NDUFAF6: variants seen among roughly 807,000 people sequenced by gnomAD.
NDUFAF6 encodes NADH:ubiquinone oxidoreductase complex assembly factor 6, also known as NADH dehydrogenase (ubiquinone) complex I, assembly factor 6.
A neutral mutation model predicts 40.8 loss-of-function variants in NDUFAF6; 45 were observed. The observed-to-expected ratio is 1.10, with a 90% CI of 0.87 to 1.42. The LOEUF (loss-of-function observed/expected upper bound fraction) is 1.42. NDUFAF6 is among the 40% of genes most tolerant of loss of function. NDUFAF6 has a pLI of 0.00. For synonymous variants in NDUFAF6, 185 were observed against 155.9 expected (o/e 1.19, Z -1.39); for missense variants, 435 against 418.5 (o/e 1.04, Z -0.34).
intron 2 of NDUFAF6, among the ~76,000 whole-genome samples, chr8:94,993,996 A>G (rs1274850295): frequency 6.6e-6 from 1 of 152,124 alleles, no homozygotes; most frequent in African/African-American, 2.4e-5. Context: ...GTTTAAGTTG[A>G]GATGTTTATG....
chr8:94,930,743 AGT>A (rs138854584), intron 1 of NDUFAF6: 16,747 of 1,612,702 alleles, frequency 0.01, 125 homozygotes, highest in Middle Eastern at 0.033. Flanking sequence ...AACAGAAAAA[AGT>A]GGGGATGTAT....
Position 94,904,320 on chromosome 8 carries a change from C to CTTTTTTTTTTTTTTTT in NDUFAF6, c.-936+8415_-936+8430dup, listed in dbSNP as rs57749627. Among the ~76,000 whole-genome samples, 12 of 34,136 alleles carry CTTTTTTTTTTTTTTTT rather than the reference C, an allele frequency of 3.5e-4. 4 individuals are homozygous for CTTTTTTTTTTTTTTTT. Among genetic ancestry groups the CTTTTTTTTTTTTTTTT allele is most frequent in the African/African-American group, 6.1e-4 (4 of 6,578 alleles). 22.4% of individuals were successfully genotyped at this position (34,136 alleles called of 152,430 possible). On this transcript the variant is annotated intron_variant, in intron 1 of 14. Transcript: ENST00000396113. ...CATCACACCTGGCTAATTTTTTTTG[C>CTTTTTTTTTTTTTTTT]TTTTTTTTTTTTTTTTTTTTTTTTT...
At chr8:94,903,562 G>T (rs1818167836) in intron 1 of NDUFAF6, among the ~76,000 whole-genome samples, 1 of 152,176 alleles carries the variant, frequency 6.6e-6, no homozygotes, top group South Asian at 2.1e-4. Context: ...TACTTACGCA[G>T]TAATAGCATA....
intron 7 of NDUFAF6, among the ~76,000 whole-genome samples, chr8:95,050,421 G>T (rs531419717): frequency 1.3e-5 from 2 of 152,158 alleles, no homozygotes; most frequent in African/African-American, 2.4e-5. Flanking sequence ...GTGGATGAGA[G>T]TGCAAACTCT....
intron 1 of NDUFAF6, among the ~76,000 whole-genome samples, chr8:94,940,420 AAATTT>A (rs1296092583): frequency 1.3e-5 from 2 of 149,722 alleles, no homozygotes; most frequent in African/African-American, 2.5e-5. Flanking sequence ...ATATGACTAT[AAATTT>A]ATTTCTGAGC....
chr8:94,930,028 T>A (rs1820237797), intron 1 of NDUFAF6: 1 of 155,072 alleles, frequency 6.4e-6, no homozygotes, highest in Admixed American at 6.4e-5. Flanking sequence ...AAAAATGTAT[T>A]CATCATATAC....
At chr8:94,943,761 T>C (rs138500077) in intron 1 of NDUFAF6, among the ~76,000 whole-genome samples, 19 of 152,350 alleles carry the variant, frequency 1.2e-4, no homozygotes, top group Admixed American at 5.2e-4. Context: ...TTAGAACACT[T>C]TGTGGTCACA....
At chr8:95,075,592 T>C in intron 9 of NDUFAF6, 1 of 1,284,380 alleles carries the variant, frequency 7.8e-7, no homozygotes, top group Non-Finnish European at 1.0e-6. Flanking sequence ...TAGAATTTTC[T>C]AGTTGGCTTG....
At chr8:94,931,125 G>T (rs949604147) in intron 1 of NDUFAF6, among the ~76,000 whole-genome samples, 11 of 152,058 alleles carry the variant, frequency 7.2e-5, no homozygotes, top group African/African-American at 2.7e-4. Flanking sequence ...AATCTTAAAA[G>T]GAAAATATTT....
At chr8:95,018,494 G>A (rs1827560075) in intron 2 of NDUFAF6, among the ~76,000 whole-genome samples, 1 of 151,686 alleles carries the variant, frequency 6.6e-6, no homozygotes, top group Non-Finnish European at 1.5e-5. Context: ...AGACTATAAA[G>A]CCAGGGGATA....
At chr8:94,926,998 T>C (rs1368488579) in intron 1 of NDUFAF6, 1 of 152,234 alleles carries the variant, frequency 6.6e-6, no homozygotes, top group Non-Finnish European at 1.5e-5. Context: ...TAACCAGTAT[T>C]TATGGGCCTT....
chr8:94,984,589 A>G (rs932590376), intron 2 of NDUFAF6, among the ~76,000 whole-genome samples: 29 of 152,234 alleles, frequency 1.9e-4, no homozygotes, highest in African/African-American at 7.0e-4. Context: ...TGTGGAGTCC[A>G]CAGGGTGTTC....
At chr8:95,044,928 T>G (rs1284610411) in intron 4 of NDUFAF6, among the ~76,000 whole-genome samples, 1 of 152,186 alleles carries the variant, frequency 6.6e-6, no homozygotes, top group African/African-American at 2.4e-5. Context: ...GCATATAGTG[T>G]ATCTAGGGAA....
intron 1 of NDUFAF6, among the ~76,000 whole-genome samples, chr8:95,025,411 C>T (rs1827983040): frequency 1.3e-5 from 2 of 152,308 alleles, no homozygotes; most frequent in South Asian, 4.1e-4. Flanking sequence ...AAAATTATGG[C>T]AAAATTCCTT....
At chr8:95,075,868 A>G (rs1432056602) in exon 10 of NDUFAF6, 1 of 419,382 alleles carries the variant, frequency 2.4e-6, no homozygotes, top group African/African-American at 2.1e-5. Context: ...AATCTTTGAC[A>G]AACACAGGTC....
At chr8:95,095,867 G>A (rs1250223558), upstream of NDUFAF6, among the ~76,000 whole-genome samples, 1 of 152,042 alleles carries the variant, frequency 6.6e-6, no homozygotes, top group Non-Finnish European at 1.5e-5. Flanking sequence ...GTTTTGCAAT[G>A]TTGGCCAGGC....
At chr8:94,967,588 A>G (rs11783262) in intron 1 of NDUFAF6, among the ~76,000 whole-genome samples, 19,876 of 151,972 alleles carry the variant, frequency 0.13, 1,629 homozygotes, top group Middle Eastern at 0.23. Flanking sequence ...CAGGAAACTG[A>G]GCAGGGCTTA....
chr8:95,030,025 C>T (rs551212797), intron 1 of NDUFAF6, among the ~76,000 whole-genome samples: 1 of 152,068 alleles, frequency 6.6e-6, no homozygotes, highest in Non-Finnish European at 1.5e-5. Flanking sequence ...CATTTTCAGG[C>T]ATTTATTGAT....
chr8:95,035,935 G>A (rs1019137555), intron 3 of NDUFAF6, among the ~76,000 whole-genome samples: 1 of 152,212 alleles, frequency 6.6e-6, no homozygotes, highest in African/African-American at 2.4e-5. Flanking sequence ...TTATACCAGT[G>A]TTTTAATCCA....
Sources: allele counts gnomAD v4.1 joint callset (sites outside exome capture counted in the v4.1 genomes callset), GRCh38; gene constraint gnomAD v4.1.1; transcripts MANE v1.5; gene names NCBI Gene and HGNC (gene_info 2026-07-23, HGNC 2026-07-21).